Variants in C10orf67 observed in about 807,000 individuals in gnomAD.
The protein encoded by C10orf67 is chromosome 10 open reading frame 67.
C10orf67 carries 60 observed loss-of-function variants against 35.6 expected under a neutral mutation model. The observed-to-expected ratio is 1.68, with a 90% CI of 1.37 to 2.09. The LOEUF (loss-of-function observed/expected upper bound fraction) is 2.09. Ranked by LOEUF, C10orf67 falls within the 30% of genes most tolerant of loss-of-function variation. The probability of loss-of-function intolerance (pLI) is 0.00; values close to 1 mark genes in which losing one functional copy is unlikely to be tolerated. For synonymous variants in C10orf67, 167 were observed against 115.8 expected (o/e 1.44, Z -2.84); for missense variants, 474 against 330.2 (o/e 1.44, Z -3.38).
At chr10:23,322,667 C>T (rs1461286930) in intron 2 of C10orf67, 130 bp from the exon 3 acceptor site, 1 of 597,868 alleles carries the variant, frequency 1.7e-6, no homozygotes, top group East Asian at 2.8e-5. Context: ...GCAACACACA[C>T]TGGGGCCTAC....
At chr10:23,328,993 C>CAAAAAAAAAAAAAAAAAAGAAGA (rs1845310437) in intron 2 of C10orf67, among the ~76,000 whole-genome samples, 1 of 78,732 alleles carries the variant, frequency 1.3e-5, no homozygotes, top group Non-Finnish European at 2.5e-5. Flanking sequence ...CATAAACGAA[C>CAAAAAAAAAAAAAAAAAAGAAGA]AAAAAAAAAA....
chr10:23,240,072 TC>T (rs1842143929), intron 12 of C10orf67, among the ~76,000 whole-genome samples: 1 of 151,842 alleles, frequency 6.6e-6, no homozygotes, highest in South Asian at 2.1e-4. Flanking sequence ...ATGCCTGTAG[TC>T]CCAGCAATTC....
intron 12 of C10orf67, among the ~76,000 whole-genome samples, chr10:23,247,668 A>C (rs1424297689): frequency 6.6e-6 from 1 of 152,238 alleles, no homozygotes; most frequent in Admixed American, 6.5e-5. Flanking sequence ...AAATTCCCAA[A>C]CATAAAAGAC....
intron 5 of C10orf67, among the ~76,000 whole-genome samples, chr10:23,300,937 G>A (rs893426093): frequency 3.9e-5 from 6 of 152,364 alleles, no homozygotes; most frequent in Non-Finnish European, 7.3e-5. Context: ...TGATTTAGCA[G>A]TAACATTGTA....
intron 5 of C10orf67, among the ~76,000 whole-genome samples, chr10:23,301,996 G>A (rs985101376): frequency 8.5e-5 from 13 of 152,178 alleles, no homozygotes; most frequent in South Asian, 6.2e-4. Context: ...GGAAGTCAGC[G>A]GTGGGTCTGC....
rs1320095510 is a variant in C10orf67, at chr10:23,306,576, G to A, written c.547-3117C>T. Among the ~76,000 whole-genome samples the A allele has an allele frequency of 2.0e-5, 3 of 151,132 alleles. No homozygotes were observed. The East Asian group carries it at 5.8e-4, about 29-fold the overall frequency. ...AGAATGGTGGTTGACAAAGGCTGGA[G>A]CACAGGGAAAATGGGGAGATGTTGG... On this transcript the variant is annotated intron_variant, in intron 4 of 15. Transcript: ENST00000636213.
At chr10:23,268,749 C>T (rs2132204120) in intron 8 of C10orf67, among the ~76,000 whole-genome samples, 1 of 152,290 alleles carries the variant, frequency 6.6e-6, no homozygotes, top group Middle Eastern at 3.4e-3. Flanking sequence ...TTAGAGTGTA[C>T]TTACAGAAAT....
intron 10 of C10orf67, among the ~76,000 whole-genome samples, chr10:23,259,354 G>A (rs1588624630): frequency 6.6e-6 from 1 of 152,320 alleles, no homozygotes; most frequent in East Asian, 1.9e-4. Flanking sequence ...CCTAGTGCTA[G>A]TACCTAGTAT....
At chr10:23,324,651 G>A (rs1388166859) in intron 2 of C10orf67, among the ~76,000 whole-genome samples, 6 of 152,150 alleles carry the variant, frequency 3.9e-5, no homozygotes, top group Non-Finnish European at 8.8e-5. Flanking sequence ...TGCCTTCCTA[G>A]CTTTGAGTTG....
chr10:23,318,239 C>T (rs926091986), intron 4 of C10orf67: 1 of 150,438 alleles, frequency 6.6e-6, no homozygotes, highest in East Asian at 2.0e-4. Context: ...TGTGACCTCA[C>T]ATAAAAAGAG....
At chr10:23,298,078 AC>A (rs1843951537) in intron 5 of C10orf67, among the ~76,000 whole-genome samples, 1 of 151,964 alleles carries the variant, frequency 6.6e-6, no homozygotes, top group Admixed American at 6.6e-5. Context: ...ACACGGTGAA[AC>A]CCCATCTCCA....
At chr10:23,337,631 A>G (rs2132409030) in intron 1 of C10orf67, among the ~76,000 whole-genome samples, 1 of 152,342 alleles carries the variant, frequency 6.6e-6, no homozygotes, top group Non-Finnish European at 1.5e-5. Flanking sequence ...GAAAATAGTA[A>G]TTTATTCCAA....
intron 8 of C10orf67, among the ~76,000 whole-genome samples, chr10:23,279,830 TAATA>T (rs150266853): frequency 5.3e-5 from 8 of 150,960 alleles, no homozygotes; most frequent in African/African-American, 1.5e-4. Flanking sequence ...AAGTTGTATA[TAATA>T]AATAAATAAA....
At chr10:23,322,813 T>G (rs1401798522) in intron 2 of C10orf67, among the ~76,000 whole-genome samples, 1 of 152,108 alleles carries the variant, frequency 6.6e-6, no homozygotes, top group Non-Finnish European at 1.5e-5. Flanking sequence ...AACCTGCATA[T>G]GTACCCCTGA....
At chr10:23,217,672 A>G (rs1406996224) in intron 15 of C10orf67, among the ~76,000 whole-genome samples, 1 of 152,194 alleles carries the variant, frequency 6.6e-6, no homozygotes, top group Non-Finnish European at 1.5e-5. Flanking sequence ...CACACACCAG[A>G]AACATTCTTA....
intron 5 of C10orf67, among the ~76,000 whole-genome samples, chr10:23,292,197 G>A (rs548483506): frequency 5.5e-4 from 17 of 31,066 alleles, no homozygotes; most frequent in African/African-American, 2.5e-3. Context: ...CTTCTTGTCT[G>A]TTTCAAAGCT....
At chr10:23,280,178 T>C (rs966767756) in intron 8 of C10orf67, among the ~76,000 whole-genome samples, 3 of 152,332 alleles carry the variant, frequency 2.0e-5, no homozygotes, top group Admixed American at 6.5e-5. Flanking sequence ...TTACTGATTG[T>C]GCCTCTTTAC....
rs1238195403 is a variant in C10orf67, at chr10:23,313,594, G to A, written c.546+7147C>T. Among the ~76,000 whole-genome samples the A allele has an allele frequency of 6.6e-5, 10 of 152,300 alleles. No individual in the cohort carries two copies. In the East Asian group the frequency reaches 1.9e-3, roughly 29 times the overall value. On this transcript the variant is annotated intron_variant, in intron 4 of 15. Coordinates refer to ENST00000636213, the MANE Select transcript of C10orf67 (RefSeq NM_001371909.1). ...TAGTGGACAGATCAATATGTACTGG[G>A]TAAATGTGATACAATTCACTGTAGC...
chr10:23,227,275 G>GT (rs1307269330), intron 13 of C10orf67, among the ~76,000 whole-genome samples: 1 of 152,154 alleles, frequency 6.6e-6, no homozygotes, highest in Non-Finnish European at 1.5e-5. Flanking sequence ...ATGCAAGGCT[G>GT]GTTCAACATA....
Sources: gnomAD v4.1 joint callset for allele counts (sites outside exome capture counted in the v4.1 genomes callset) on GRCh38, gnomAD v4.1.1 for gene constraint, MANE v1.5 for transcripts, NCBI Gene and HGNC (gene_info 2026-07-23, HGNC 2026-07-21) for gene names.